The following TMC1 variants were observed in gnomAD, a reference collection of about 807,000 sequenced individuals.
TMC1 encodes the protein transmembrane channel like 1, also known as transmembrane channel-like protein 1.
Under a neutral mutation model 105.8 loss-of-function variants are expected in TMC1, and 84 were observed. That is an observed-to-expected ratio of 0.79 (90% CI 0.67 to 0.95). TMC1 has a LOEUF of 0.95. Ranked by LOEUF, TMC1 falls within the 40% of genes least tolerant of loss-of-function variation. The probability of loss-of-function intolerance (pLI) is 0.00; values close to 1 mark genes in which losing one functional copy is unlikely to be tolerated. For missense variants in TMC1, 817 were observed against 914.1 expected, an observed-to-expected ratio of 0.89 and a Z score of 1.37; for synonymous variants, 315 against 311.5, an observed-to-expected ratio of 1.01 and a Z score of -0.12.
At chr9:72,759,919 A>G (rs1342517351) in intron 12 of TMC1, among the ~76,000 whole-genome samples, 1 of 152,150 alleles carries the variant, frequency 6.6e-6, no homozygotes, top group East Asian at 1.9e-4. Context: ...TGCTCCTGGA[A>G]CATTTACTGA....
At chr9:72,778,464 C>T (rs938533823) in intron 13 of TMC1, among the ~76,000 whole-genome samples, 3 of 152,130 alleles carry the variant, frequency 2.0e-5, no homozygotes, top group African/African-American at 7.2e-5. Flanking sequence ...CACCATGGAC[C>T]TCCATAATTC....
chr9:72,810,941 A>G (rs1162305873), intron 18 of TMC1, among the ~76,000 whole-genome samples: 1 of 152,196 alleles, frequency 6.6e-6, no homozygotes, highest in African/African-American at 2.4e-5. Flanking sequence ...CAGTCACAGT[A>G]GAGGGCTTTA....
At chr9:72,828,214 G>T (rs772584332) in intron 21 of TMC1, among the ~76,000 whole-genome samples, 1 of 152,146 alleles carries the variant, frequency 6.6e-6, no homozygotes, top group Non-Finnish European at 1.5e-5. Flanking sequence ...ATAATGGGGT[G>T]CTATTAAGAA....
Position 72,694,666 on chromosome 9 carries a change from C to G in TMC1, c.188C>G (p.Thr63Arg). ...GAACCTGAACCAGAGGATGAAGAAA[C>G]AAGGAAGGCAAGAGAAAAAGAGAGG... ...DPEPEPEDEE[T>R]RKAREKERRR... is the part of the protein sequence containing the mutation. Residue 63 changes from threonine (T) to arginine (R), a missense_variant, in exon 7 of 24, where the codon ACA becomes AGA. Transcript: ENST00000297784. 1 of 1,612,122 alleles carries G rather than the reference C, an allele frequency of 6.2e-7. No individual in the cohort carries two copies. Among genetic ancestry groups the G allele is most frequent in the Non-Finnish European group, 8.5e-7 (1 of 1,179,050 alleles).
At position 72,714,804 on chromosome 9, in the gene TMC1, A is replaced by T. The variant is rs556333487; in HGVS notation, c.362+14161A>T. ...TTGTTATGTGTGATTTGATCCTGCC[A>T]TTATGATGCTGGATGGTTATTTTGC... On this transcript the variant is annotated intron_variant, in intron 8 of 23. Transcript: ENST00000297784. 4.6e-5 allele frequency among the ~76,000 whole-genome samples: 7 copies of T among 152,314 alleles called. No homozygotes were observed. The South Asian group carries it at 1.4e-3, about 32-fold the overall frequency.
intron 6 of TMC1, among the ~76,000 whole-genome samples, chr9:72,689,149 G>A (rs1826421590): frequency 6.6e-6 from 1 of 152,038 alleles, no homozygotes; most frequent in South Asian, 2.1e-4. Flanking sequence ...ATGATTGGAC[G>A]AAAAGGGTAT....
intron 21 of TMC1, among the ~76,000 whole-genome samples, chr9:72,830,191 A>C (rs529470571): frequency 6.6e-6 from 1 of 152,364 alleles, no homozygotes; most frequent in East Asian, 1.9e-4. Context: ...GTGAAATAGC[A>C]GACAGAACAG....
rs532729071 is a variant in TMC1, at chr9:72,631,719, A to G, written c.-53+3656A>G. Among the ~76,000 whole-genome samples, 12 of 152,354 alleles carry G rather than the reference A, an allele frequency of 7.9e-5. No individual in the cohort carries two copies. The South Asian group carries it at 2.5e-3, about 32-fold the overall frequency. The stretch of plus-strand genomic sequence containing the variant: ...GCACTCTGGTGCTTCCAAAAGCATC[A>G]GCCATCCACACTCTGCCTATTGAAA... On this transcript the variant is annotated intron_variant, in intron 4 of 23. Coordinates refer to ENST00000297784, the MANE Select transcript of TMC1 (RefSeq NM_138691.3).
intron 5 of TMC1, among the ~76,000 whole-genome samples, chr9:72,652,023 C>T (rs988229498): frequency 1.3e-5 from 2 of 152,108 alleles, no homozygotes; most frequent in African/African-American, 2.4e-5. Flanking sequence ...TTTCCACTCC[C>T]GAGTTGCTTC....
chr9:72,722,416 A>G (rs914975251), intron 8 of TMC1, among the ~76,000 whole-genome samples: 16 of 152,280 alleles, frequency 1.1e-4, no homozygotes, highest in African/African-American at 2.6e-4. Flanking sequence ...TGCTTCTTCC[A>G]TGCCTGACTT....
chr9:72,712,783 G>A (rs919372175), intron 8 of TMC1, among the ~76,000 whole-genome samples: 5 of 152,048 alleles, frequency 3.3e-5, no homozygotes, highest in African/African-American at 1.2e-4. Context: ...TGATTGCCCT[G>A]GCCAGAACTT....
intron 4 of TMC1, among the ~76,000 whole-genome samples, chr9:72,640,075 G>A (rs1825600887): frequency 6.6e-6 from 1 of 152,020 alleles, no homozygotes; most frequent in Non-Finnish European, 1.5e-5. Flanking sequence ...GCTTAACACA[G>A]TGCCCAGCAC....
At chr9:72,523,846 A>T (rs1470507042) in intron 1 of TMC1, among the ~76,000 whole-genome samples, 1 of 152,174 alleles carries the variant, frequency 6.6e-6, no homozygotes, top group Non-Finnish European at 1.5e-5. Context: ...AAAAAAATGT[A>T]TAGAGGCCTG....
At chr9:72,734,902 G>A (rs1370751819) in intron 8 of TMC1, among the ~76,000 whole-genome samples, 2 of 152,186 alleles carry the variant, frequency 1.3e-5, no homozygotes, top group Non-Finnish European at 2.9e-5. Context: ...ATGAGAATGT[G>A]TCAAAGGCAG....
At chr9:72,814,104 G>T (rs1027282703) in intron 18 of TMC1, among the ~76,000 whole-genome samples, 2 of 152,170 alleles carry the variant, frequency 1.3e-5, no homozygotes, top group Non-Finnish European at 1.5e-5. Flanking sequence ...CATTTAAAAC[G>T]TTGAGTTTTC....
intron 13 of TMC1, among the ~76,000 whole-genome samples, chr9:72,781,339 C>T (rs1828090539): frequency 6.6e-6 from 1 of 152,084 alleles, no homozygotes; most frequent in African/African-American, 2.4e-5. Flanking sequence ...GAAGTTATAG[C>T]ACTAAACACC....
chr9:72,617,228 C>A lies in TMC1; in HGVS notation c.-196+751C>A, dbSNP rs536752746. On this transcript the variant is annotated intron_variant, in intron 3 of 23. Coordinates refer to ENST00000297784, the MANE Select transcript of TMC1 (RefSeq NM_138691.3). ...GCAGGCTGGAGTGCAGGGGTGCTATCTCGGCTCACTGAAACCTCTGCCTCC... is the reference window on the plus strand; with the variant it reads ...GCAGGCTGGAGTGCAGGGGTGCTATATCGGCTCACTGAAACCTCTGCCTCC... Among the ~76,000 whole-genome samples the A allele has an allele frequency of 3.4e-4, 52 of 152,216 alleles. 1 individual carries two copies. The highest frequency in any genetic ancestry group is 2.3e-3 in the South Asian group (11 of 4,800).
intron 1 of TMC1, among the ~76,000 whole-genome samples, chr9:72,547,216 G>A (rs1018805431): frequency 2.6e-5 from 4 of 151,932 alleles, no homozygotes; most frequent in Admixed American, 6.6e-5. Context: ...AAACCTGGGA[G>A]GCGGAGGTTG....
At chr9:72,835,807 A>T in intron 23 of TMC1, 144 bp from the exon 24 acceptor site, 1 of 817,178 alleles carries the variant, frequency 1.2e-6, no homozygotes, top group East Asian at 2.7e-5. Flanking sequence ...GGGAAAGTAG[A>T]GCACATTTGG....
Sources: gnomAD v4.1 joint callset for allele counts (sites outside exome capture counted in the v4.1 genomes callset) on GRCh38, gnomAD v4.1.1 for gene constraint, MANE v1.5 for transcripts, NCBI Gene and HGNC (gene_info 2026-07-23, HGNC 2026-07-21) for gene names.